The following LGR5 variants were observed in gnomAD, a reference collection of about 807,000 sequenced individuals.
LGR5 encodes the protein leucine rich repeat containing G protein-coupled receptor 5, also known as leucine-rich repeat-containing G protein-coupled receptor 5.
In LGR5, 54 loss-of-function variants were observed where a neutral mutation model predicts 76.7. The ratio of observed to expected loss-of-function variants is 0.70; its 90% CI spans 0.57 to 0.88. LGR5 has a LOEUF of 0.88. Among genes scored for constraint, LGR5 ranks in the 40% least tolerant of loss-of-function variants. The pLI is 0.00. For missense variants in LGR5, 1,078 were observed against 1,073.3 expected (o/e 1.00, Z -0.06); for synonymous variants, 406 against 421.9 (o/e 0.96, Z 0.46).
intron 1 of LGR5, among the ~76,000 whole-genome samples, chr12:71,491,271 A>G (rs1165632190): frequency 3.3e-5 from 5 of 152,138 alleles, no homozygotes; most frequent in African/African-American, 1.2e-4. Context: ...GATTTTTTGT[A>G]AGTTTATATA....
intron 1 of LGR5, among the ~76,000 whole-genome samples, chr12:71,503,191 A>G (rs1874689875): frequency 2.0e-5 from 3 of 152,186 alleles, no homozygotes; most frequent in Admixed American, 1.3e-4. Flanking sequence ...GAACTTAATG[A>G]CTGTGCTATT....
Position 71,566,652 on chromosome 12 carries a change from A to G in LGR5, c.950A>G (p.Gln317Arg). ...LRTLTLNGASQITEFPDLTGT... is the reference protein window; with the variant it reads ...LRTLTLNGASRITEFPDLTGT... ...TCTAGGACTCTGAATGGTGCCTCACAAATAACTGAATTTCCTGATTTAACT... is the reference window on the plus strand; with the variant it reads ...TCTAGGACTCTGAATGGTGCCTCACGAATAACTGAATTTCCTGATTTAACT... The change falls in exon 10 of 18, where the codon CAA becomes CGA. Residue 317 changes from glutamine (Q) to arginine (R), a missense_variant. By Grantham distance (43) the Gln-to-Arg change is conservative. Transcript: ENST00000266674. 3 of 1,613,404 alleles carry G rather than the reference A, an allele frequency of 1.9e-6. No individual in the cohort carries two copies. In the South Asian group the frequency reaches 3.3e-5, roughly 18 times the overall value.
chr12:71,476,550 G>A (rs67247307), intron 1 of LGR5, among the ~76,000 whole-genome samples: 6,439 of 152,246 alleles, frequency 0.042, 147 homozygotes, highest in African/African-American at 0.065. Flanking sequence ...ATACTTTTTT[G>A]TCTCAGATAT....
chr12:71,475,311 T>C (rs533130802), intron 1 of LGR5, among the ~76,000 whole-genome samples: 2 of 152,328 alleles, frequency 1.3e-5, no homozygotes, highest in Admixed American at 1.3e-4. Flanking sequence ...CTGTTCCCTT[T>C]ATACGTCTTT....
At chr12:71,578,736 G>A in intron 14 of LGR5, 68 bp from the exon 15 acceptor site, 2 of 1,434,214 alleles carry the variant, frequency 1.4e-6, no homozygotes, top group East Asian at 4.9e-5. Flanking sequence ...TTAGGTTGTT[G>A]TTTTTTTTAA....
intron 2 of LGR5, among the ~76,000 whole-genome samples, chr12:71,515,181 G>C (rs1030571159): frequency 2.0e-5 from 3 of 152,204 alleles, no homozygotes; most frequent in African/African-American, 7.2e-5. Flanking sequence ...TTCTTGATAT[G>C]ACTCAGATAC....
chr12:71,548,684 T>G (rs1877320920), intron 4 of LGR5, among the ~76,000 whole-genome samples: 1 of 152,056 alleles, frequency 6.6e-6, no homozygotes, highest in African/African-American at 2.4e-5. Flanking sequence ...AAGATGGGAG[T>G]TATCCCTGTT....
intron 8 of LGR5, among the ~76,000 whole-genome samples, chr12:71,564,841 CACTG>C (rs1878257434): frequency 6.6e-6 from 1 of 150,464 alleles, no homozygotes; most frequent in Non-Finnish European, 1.5e-5. Flanking sequence ...TGTACACACA[CACTG>C]TGTATATATA....
chr12:71,558,010 C>G (rs1028491706), intron 6 of LGR5, among the ~76,000 whole-genome samples: 1 of 152,142 alleles, frequency 6.6e-6, no homozygotes, highest in African/African-American at 2.4e-5. Context: ...TCCTGAGGGA[C>G]CCTGTGTTGG....
chr12:71,439,605 G>T (rs1206202945), upstream of LGR5, among the ~76,000 whole-genome samples: 1 of 151,964 alleles, frequency 6.6e-6, no homozygotes, highest in Non-Finnish European at 1.5e-5. Context: ...GGAGCGCCGA[G>T]AACTCGCCAG....
At chr12:71,534,990 C>A in intron 3 of LGR5, 125 bp from the exon 4 acceptor site, 1 of 587,358 alleles carries the variant, frequency 1.7e-6, no homozygotes, top group Non-Finnish European at 3.0e-6. Context: ...TTTCAGCTCC[C>A]CAAAAGACAA....
intron 1 of LGR5, among the ~76,000 whole-genome samples, chr12:71,451,010 C>T (rs1448994966): frequency 6.6e-6 from 1 of 152,138 alleles, no homozygotes; most frequent in African/African-American, 2.4e-5. Flanking sequence ...TCCCTAGCTC[C>T]CTGTTAAAAG....
intron 6 of LGR5, among the ~76,000 whole-genome samples, chr12:71,559,266 C>T (rs187040539): frequency 2.8e-5 from 4 of 143,504 alleles, no homozygotes; most frequent in African/African-American, 1.1e-4. Context: ...ATCCGCCAGC[C>T]GTCAACACCT....
chr12:71,570,464 G>C lies in LGR5; in HGVS notation c.1071-1050G>C, dbSNP rs1380663017. 9.2e-5 allele frequency among the ~76,000 whole-genome samples: 14 copies of C among 152,242 alleles called. No homozygotes were observed. The South Asian group carries it at 2.9e-3, about 32-fold the overall frequency. ...AGGAGTATCCCCTTTGCAGCCTGCAGAGATGAGTAAACCAATTATCAGCTT... is the reference window on the plus strand; with the variant it reads ...AGGAGTATCCCCTTTGCAGCCTGCACAGATGAGTAAACCAATTATCAGCTT... On this transcript the variant is annotated intron_variant, in intron 11 of 17. Coordinates refer to ENST00000266674, the MANE Select transcript of LGR5 (RefSeq NM_003667.4).
At chr12:71,472,248 T>C (rs1215201722) in intron 1 of LGR5, among the ~76,000 whole-genome samples, 1 of 152,234 alleles carries the variant, frequency 6.6e-6, no homozygotes, top group Non-Finnish European at 1.5e-5. Flanking sequence ...ATATACCATG[T>C]ACAATTCATG....
chr12:71,471,516 G>A lies in LGR5; in HGVS notation c.212+31224G>A, dbSNP rs942342377. On this transcript the variant is annotated intron_variant, in intron 1 of 17. Coordinates refer to ENST00000266674, the MANE Select transcript of LGR5 (RefSeq NM_003667.4). ...AATGGACATGGGATTTCTGGGTGAT[G>A]AAAATGTCTGAAGTTAGATTTTGGT... Among the ~76,000 whole-genome samples the A allele has an allele frequency of 3.9e-5, 6 of 152,188 alleles. No homozygotes were observed. In the East Asian group the frequency reaches 1.2e-3, roughly 29 times the overall value.
upstream of LGR5, among the ~76,000 whole-genome samples, chr12:71,439,148 G>T (rs1006292444): frequency 2.0e-5 from 3 of 152,068 alleles, no homozygotes; most frequent in South Asian, 2.1e-4. Flanking sequence ...TCCTCACCCC[G>T]CAAGAGATAG....
At chr12:71,536,392 A>G (rs1394931944) in intron 4 of LGR5, among the ~76,000 whole-genome samples, 1 of 152,216 alleles carries the variant, frequency 6.6e-6, no homozygotes, top group Non-Finnish European at 1.5e-5. Flanking sequence ...CTTTTACTCC[A>G]GTCAAACAAA....
intron 1 of LGR5, among the ~76,000 whole-genome samples, chr12:71,466,412 T>C (rs1872865666): frequency 6.6e-6 from 1 of 152,194 alleles, no homozygotes; most frequent in Admixed American, 6.5e-5. Context: ...CCTTGCTTGG[T>C]AAAATATTAG....
Sources: gnomAD v4.1 joint callset for allele counts (sites outside exome capture counted in the v4.1 genomes callset) on GRCh38, gnomAD v4.1.1 for gene constraint, MANE v1.5 for transcripts, NCBI Gene and HGNC (gene_info 2026-07-23, HGNC 2026-07-21) for gene names.